The following NRG3 variants were observed in gnomAD, a reference collection of about 807,000 sequenced individuals.
The protein encoded by NRG3 is pro-neuregulin-3, membrane-bound isoform.
In NRG3, 31 loss-of-function variants were observed where a neutral mutation model predicts 66.9. The ratio of observed to expected loss-of-function variants is 0.46; its 90% CI spans 0.35 to 0.63. NRG3 has a LOEUF of 0.63. Ranked by LOEUF, NRG3 falls within the 20% of genes least tolerant of loss-of-function variation. The pLI, the probability that NRG3 is intolerant of heterozygous loss-of-function variation, is 0.00. For synonymous variants in NRG3, 393 were observed against 359.4 expected (o/e 1.09, Z -1.06); for missense variants, 910 against 878.9 (o/e 1.04, Z -0.45).
intron 1 of NRG3, among the ~76,000 whole-genome samples, chr10:81,925,783 G>A (rs1846722244): frequency 6.6e-6 from 1 of 151,774 alleles, no homozygotes. Flanking sequence ...ATTGACAGAT[G>A]GATTCCTCTG....
intron 1 of NRG3, among the ~76,000 whole-genome samples, chr10:81,893,915 T>C (rs1280257302): frequency 2.6e-5 from 4 of 152,300 alleles, no homozygotes; most frequent in Middle Eastern, 6.8e-3. Flanking sequence ...ATTTTTTTCC[T>C]GAAACTCAAG....
chr10:82,443,059 T>C (rs561019175), intron 2 of NRG3, among the ~76,000 whole-genome samples: 1 of 152,104 alleles, frequency 6.6e-6, no homozygotes, highest in Non-Finnish European at 1.5e-5. Flanking sequence ...GCATTTAGAT[T>C]TGAATCTGAT....
chr10:82,487,937 T>C (rs1039586090), intron 2 of NRG3, among the ~76,000 whole-genome samples: 3 of 152,238 alleles, frequency 2.0e-5, no homozygotes, highest in African/African-American at 7.2e-5. Context: ...ATACAGTATT[T>C]GTTTAGCAGA....
intron 1 of NRG3, among the ~76,000 whole-genome samples, chr10:82,337,306 A>G (rs1308358875): frequency 6.6e-6 from 1 of 152,228 alleles, no homozygotes; most frequent in African/African-American, 2.4e-5. Flanking sequence ...AATGCTTTCA[A>G]GGTTCACCCA....
intron 1 of NRG3, among the ~76,000 whole-genome samples, chr10:82,034,323 T>C (rs193052212): frequency 1.1e-4 from 15 of 142,844 alleles, no homozygotes; most frequent in African/African-American, 3.4e-4. Flanking sequence ...TTCAGATGAT[T>C]CTTGTTTGAA....
chr10:82,191,535 A>G (rs962175713), intron 1 of NRG3, among the ~76,000 whole-genome samples: 4 of 152,180 alleles, frequency 2.6e-5, no homozygotes, highest in Non-Finnish European at 4.4e-5. Context: ...GATAAAATGT[A>G]CAAACTAGAT....
intron 1 of NRG3, among the ~76,000 whole-genome samples, chr10:82,178,787 A>T (rs1315835790): frequency 6.6e-6 from 1 of 152,094 alleles, no homozygotes. Flanking sequence ...ATTCTTAAAG[A>T]AGACTTCATA....
chr10:81,991,626 T>C (rs1364254030), intron 1 of NRG3, among the ~76,000 whole-genome samples: 2 of 152,144 alleles, frequency 1.3e-5, no homozygotes, highest in African/African-American at 4.8e-5. Context: ...TAAAAGCCTA[T>C]TTACCAGTTC....
intron 1 of NRG3, among the ~76,000 whole-genome samples, chr10:82,180,922 T>G (rs982217574): frequency 1.3e-5 from 2 of 151,862 alleles, no homozygotes; most frequent in Non-Finnish European, 3.0e-5. Context: ...TTGTTTGTTA[T>G]GTTTGGTGTT....
At chr10:82,367,580 AT>A (rs1300015507) in intron 2 of NRG3, among the ~76,000 whole-genome samples, 3 of 152,124 alleles carry the variant, frequency 2.0e-5, no homozygotes, top group African/African-American at 7.2e-5. Context: ...AAATAAGAAT[AT>A]TTTTATTTCC....
chr10:82,170,818 G>A (rs1054847246), intron 1 of NRG3, among the ~76,000 whole-genome samples: 31 of 150,220 alleles, frequency 2.1e-4, no homozygotes, highest in African/African-American at 6.8e-4. Context: ...AGTATTGTGA[G>A]TTTCCATATT....
At chr10:82,902,686 A>G (rs537511307) in intron 4 of NRG3, among the ~76,000 whole-genome samples, 2 of 152,238 alleles carry the variant, frequency 1.3e-5, no homozygotes, top group African/African-American at 2.4e-5. Context: ...TTGTTTCTGT[A>G]TACATTATTA....
chr10:82,868,207 C>G (rs996205617), intron 4 of NRG3, among the ~76,000 whole-genome samples: 1 of 152,164 alleles, frequency 6.6e-6, no homozygotes, highest in Non-Finnish European at 1.5e-5. Flanking sequence ...CTGAGGACTG[C>G]CAGTGGCACT....
intron 2 of NRG3, among the ~76,000 whole-genome samples, chr10:82,625,842 T>C (rs1298468537): frequency 1.3e-5 from 2 of 152,196 alleles, no homozygotes; most frequent in Non-Finnish European, 2.9e-5. Context: ...ACAACTATGA[T>C]GCAAGAAGGA....
intron 1 of NRG3, among the ~76,000 whole-genome samples, chr10:82,097,018 G>A (rs1312641497): frequency 6.6e-6 from 1 of 152,078 alleles, no homozygotes; most frequent in Admixed American, 6.6e-5. Flanking sequence ...AATGCATAGA[G>A]TAACTACCAC....
chr10:82,838,718 TTA>T (rs1266526587), intron 3 of NRG3, among the ~76,000 whole-genome samples: 1 of 152,118 alleles, frequency 6.6e-6, no homozygotes, highest in Admixed American at 6.6e-5. Flanking sequence ...TCTGTTTTAA[TTA>T]TATACATATA....
chr10:82,545,723 GCTAT>G (rs891308114), intron 2 of NRG3, among the ~76,000 whole-genome samples: 1 of 149,052 alleles, frequency 6.7e-6, no homozygotes, highest in Non-Finnish European at 1.5e-5. Context: ...TCTGTGTAAT[GCTAT>G]CTTTCTTGCA....
chr10:82,496,324 C>A (rs1254227963), intron 2 of NRG3, among the ~76,000 whole-genome samples: 4 of 152,128 alleles, frequency 2.6e-5, no homozygotes, highest in African/African-American at 7.2e-5. Flanking sequence ...ATTTCATAAG[C>A]CTAGTAATAA....
intron 4 of NRG3, among the ~76,000 whole-genome samples, chr10:82,922,357 C>T (rs1023428431): frequency 1.3e-5 from 2 of 152,136 alleles, no homozygotes; most frequent in Non-Finnish European, 2.9e-5. Context: ...GCCATTCAAA[C>T]CATCTGAATT....
Sources: allele counts gnomAD v4.1 joint callset (sites outside exome capture counted in the v4.1 genomes callset), GRCh38; gene constraint gnomAD v4.1.1; transcripts MANE v1.5; gene names NCBI Gene and HGNC (gene_info 2026-07-23, HGNC 2026-07-21).